Variants in KANSL1 observed in about 807,000 individuals in gnomAD.
The protein encoded by KANSL1 is KAT8 regulatory NSL complex subunit 1.
Under a neutral mutation model 103.6 loss-of-function variants are expected in KANSL1, and 22 were observed. The ratio of observed to expected loss-of-function variants is 0.21; its 90% confidence interval spans 0.15 to 0.30. The LOEUF (loss-of-function observed/expected upper bound fraction) is 0.30. Among genes scored for constraint, KANSL1 ranks in the 10% least tolerant of loss-of-function variants. KANSL1 has a pLI of 1.00. For synonymous variants in KANSL1, 600 were observed against 527.6 expected (o/e 1.14, Z -1.88); for missense variants, 1,337 against 1,399.8 (o/e 0.96, Z 0.72).
chr17:46,197,631 A>G (rs1200404357), upstream of KANSL1, among the ~76,000 whole-genome samples: 1 of 152,264 alleles, frequency 6.6e-6, no homozygotes, highest in African/African-American at 2.4e-5. Flanking sequence ...CGACAGAAGG[A>G]GACTGTGTCT....
chr17:46,050,354 C>A (rs1326104561), intron 7 of KANSL1, 179 bp downstream of exon 7: 1 of 599,826 alleles, frequency 1.7e-6, no homozygotes, highest in East Asian at 2.8e-5. Context: ...CTTTTAGTGG[C>A]ACCTTCTGGT....
chr17:46,197,474 C>T (rs2047651066), upstream of KANSL1, among the ~76,000 whole-genome samples: 1 of 152,198 alleles, frequency 6.6e-6, no homozygotes, highest in Non-Finnish European at 1.5e-5. Flanking sequence ...GAAACCCCGC[C>T]TCTACTAAAA....
intron 2 of KANSL1, among the ~76,000 whole-genome samples, chr17:46,138,965 C>T (rs1025025942): frequency 9.9e-5 from 15 of 152,228 alleles, no homozygotes; most frequent in Admixed American, 6.5e-5. Flanking sequence ...CCCCCAGTGG[C>T]TTATGAATCA....
At chr17:46,183,684 C>T (rs2046895070) in intron 1 of KANSL1, among the ~76,000 whole-genome samples, 1 of 151,928 alleles carries the variant, frequency 6.6e-6, no homozygotes, top group Admixed American at 6.5e-5. Flanking sequence ...GGAGAGGTGG[C>T]TCACGCCTGT....
Position 46,179,347 on chromosome 17 carries a change from A to G in KANSL1, c.-89-7115T>C, listed in dbSNP as rs559228928. Among the ~76,000 whole-genome samples, 4 of 152,368 alleles carry G rather than the reference A, an allele frequency of 2.6e-5. No homozygotes were observed. The East Asian group carries it at 7.7e-4, about 29-fold the overall frequency. On this transcript the variant is annotated intron_variant, in intron 1 of 14. Transcript: ENST00000432791. The stretch of plus-strand genomic sequence containing the variant: ...TTTATTCCCAGTCAATTTCCAAGAC[A>G]AGACTCCAGATACACAAGAATAACC...
At chr17:46,039,925 T>C in intron 7 of KANSL1, 41 bp from the exon 8 acceptor site, 8 of 1,587,584 alleles carry the variant, frequency 5.0e-6, no homozygotes, top group Non-Finnish European at 6.0e-6. Context: ...TCCAAACACC[T>C]GGCCTCTCTA....
intron 2 of KANSL1, among the ~76,000 whole-genome samples, chr17:46,148,751 T>C (rs137982922): frequency 2.6e-5 from 4 of 152,134 alleles, no homozygotes; most frequent in African/African-American, 9.6e-5. Flanking sequence ...CTTGCTAATT[T>C]TTTTTTGTAT....
In KANSL1 at chr17:46,193,353, CGGT is replaced by C; in HGVS notation, c.-623_-621del. The stretch of plus-strand genomic sequence containing the variant: ...CCGCCGGCTCGGCGAGCGGTGGCGG[CGGT>C]GGCGGCGGCACTGGGAAAATGGCGG... On this transcript the variant is annotated 5_prime_UTR_variant, in exon 1 of 15. Coordinates refer to ENST00000432791, the MANE Select transcript of KANSL1 (RefSeq NM_015443.4). 6.3e-6 allele frequency: 1 copy of C among 158,846 alleles called. No homozygotes were observed. The highest frequency in any genetic ancestry group is 1.4e-5 in the Non-Finnish European group (1 of 73,988). 9.8% of individuals were successfully genotyped at this position (158,846 alleles called of 1,614,324 possible).
chr17:46,207,541 T>C (rs746845433), intron 1 of KANSL1, among the ~76,000 whole-genome samples: 1 of 150,724 alleles, frequency 6.6e-6, no homozygotes, highest in African/African-American at 2.4e-5. Flanking sequence ...AAAACTGCGA[T>C]TGGCCACTGC....
At position 46,059,647 on chromosome 17, in the gene KANSL1, A is replaced by AG. The variant is rs149985527; in HGVS notation, c.1848+6889_1848+6890insC. On this transcript the variant is annotated intron_variant, in intron 6 of 14. Coordinates refer to ENST00000432791, the MANE Select transcript of KANSL1 (RefSeq NM_015443.4). ...TGACTCCAAAAAAAAAAAAAAAAAA[A>AG]AGAGAGAGAGAGAGAGAGAAAAGGA... 6.4e-3 allele frequency among the ~76,000 whole-genome samples: 352 copies of AG among 54,872 alleles called. 2 individuals are homozygous for AG. The highest frequency in any genetic ancestry group is 0.021 in the African/African-American group (315 of 14,870). 36.0% of individuals were successfully genotyped at this position (54,872 alleles called of 152,430 possible).
At chr17:46,060,825 T>C (rs1325810453) in intron 6 of KANSL1, among the ~76,000 whole-genome samples, 1 of 152,152 alleles carries the variant, frequency 6.6e-6, no homozygotes, top group Admixed American at 6.5e-5. Context: ...GAATGCCCTG[T>C]ACAAAAATGT....
intron 2 of KANSL1, 87 bp from the exon 3 acceptor site, chr17:46,094,788 A>AGTGAAATCCAAGAGTAGCAGT: frequency 1.3e-6 from 2 of 1,509,702 alleles, no homozygotes; most frequent in Non-Finnish European, 1.8e-6. Flanking sequence ...TTAACTTTTA[A>AGTGAAATCCAAGAGTAGCAGT]AGGCCCTTGC....
intron 2 of KANSL1, among the ~76,000 whole-genome samples, chr17:46,167,346 A>G (rs898514867): frequency 2.0e-5 from 3 of 152,242 alleles, no homozygotes; most frequent in African/African-American, 7.2e-5. Context: ...CAGCAAGTAC[A>G]TTACATACAT....
In KANSL1 at chr17:46,050,574, T is replaced by C. The variant is rs761226381; in HGVS notation, c.1979A>G (p.Gln660Arg). 3 of 1,614,078 alleles carry C rather than the reference T, an allele frequency of 1.9e-6. No individual in the cohort carries two copies. In the South Asian group the frequency reaches 3.3e-5, roughly 18 times the overall value. The change falls in exon 7 of 15, where the codon CAG becomes CGG. Residue 660 changes from glutamine (Q) to arginine (R), a missense_variant. Physicochemically the swap from Gln to Arg is conservative, Grantham distance 43 (BLOSUM62 1). Transcript: ENST00000432791. ...AACAGGATGAACACAAGAGTCCAAC[T>C]GGGAAAGACGTTCCAACAGAGGGGC... Reference protein sequence around the residue: ...YEAPLLERLSQLDSCVHPVLA... With the variant: ...YEAPLLERLSRLDSCVHPVLA...
At chr17:46,182,322 T>C (rs568044053) in intron 1 of KANSL1, among the ~76,000 whole-genome samples, 1 of 152,354 alleles carries the variant, frequency 6.6e-6, no homozygotes, top group East Asian at 1.9e-4. Context: ...TCAGGTGGTA[T>C]ATGTACAGCT....
intron 2 of KANSL1, among the ~76,000 whole-genome samples, chr17:46,116,087 C>A (rs2043033412): frequency 6.6e-6 from 1 of 152,206 alleles, no homozygotes; most frequent in South Asian, 2.1e-4. Flanking sequence ...AGTCAACTGA[C>A]CTGAAAAACT....
At chr17:46,219,542 T>A (rs1452455797) in intron 1 of KANSL1, among the ~76,000 whole-genome samples, 1 of 152,192 alleles carries the variant, frequency 6.6e-6, no homozygotes, top group African/African-American at 2.4e-5. Flanking sequence ...TTCTTTTGTA[T>A]TTTTAGTAGA....
intron 2 of KANSL1, among the ~76,000 whole-genome samples, chr17:46,112,368 CAAAAAAAAAAAA>C (rs34480982): frequency 3.9e-4 from 20 of 51,076 alleles, no homozygotes; most frequent in Non-Finnish European, 4.2e-4. Context: ...AACTCTGTCT[CAAAAAAAAAAAA>C]AAAAAAAAAA....
At chr17:46,103,943 G>A (rs2147041700) in intron 2 of KANSL1, among the ~76,000 whole-genome samples, 1 of 152,296 alleles carries the variant, frequency 6.6e-6, no homozygotes, top group Middle Eastern at 3.4e-3. Flanking sequence ...CAGGAGAATT[G>A]CTTGAACCCA....
Sources: gnomAD v4.1 joint callset for allele counts (sites outside exome capture counted in the v4.1 genomes callset) on GRCh38, gnomAD v4.1.1 for gene constraint, MANE v1.5 for transcripts, NCBI Gene and HGNC (gene_info 2026-07-23, HGNC 2026-07-21) for gene names.